The following HECW2 variants were observed in gnomAD, a reference collection of about 807,000 sequenced individuals.
HECW2 encodes E3 ubiquitin-protein ligase HECW2.
In HECW2, 61 loss-of-function variants were observed where a neutral mutation model predicts 175.2. The ratio of observed to expected loss-of-function variants is 0.35; its 90% CI spans 0.28 to 0.43. HECW2 has a LOEUF of 0.43. HECW2 is among the 20% of genes least tolerant of loss of function. The probability of loss-of-function intolerance (pLI) is 1.00; values close to 1 mark genes in which losing one functional copy is unlikely to be tolerated. For missense variants in HECW2, 1,524 were observed against 2,000.5 expected (o/e 0.76, Z 4.54); for synonymous variants, 671 against 731.0 (o/e 0.92, Z 1.32).
At chr2:196,366,112 C>T (rs944742137) in intron 2 of HECW2, among the ~76,000 whole-genome samples, 4 of 152,132 alleles carry the variant, frequency 2.6e-5, no homozygotes, top group African/African-American at 9.7e-5. Flanking sequence ...GTGTTCTTAG[C>T]CCCTAGATGA....
intron 1 of HECW2, among the ~76,000 whole-genome samples, chr2:196,522,520 T>C (rs1279048414): frequency 6.6e-6 from 1 of 151,772 alleles, no homozygotes; most frequent in East Asian, 1.9e-4. Flanking sequence ...TTGTTGCCAT[T>C]GCTTTTGGTG....
intron 11 of HECW2, 37 bp downstream of exon 11, chr2:196,307,898 C>A: frequency 6.9e-7 from 1 of 1,442,278 alleles, no homozygotes. Flanking sequence ...AGCCCAACCA[C>A]AAAATACAAC....
intron 1 of HECW2, among the ~76,000 whole-genome samples, chr2:196,585,553 G>T (rs1312136195): frequency 6.6e-6 from 1 of 152,188 alleles, no homozygotes; most frequent in Admixed American, 6.6e-5. Flanking sequence ...TTCCCTAGGG[G>T]CTCCTTTCCC....
At chr2:196,412,035 GAATA>G (rs967660650) in intron 2 of HECW2, among the ~76,000 whole-genome samples, 3 of 151,998 alleles carry the variant, frequency 2.0e-5, no homozygotes. Flanking sequence ...ATAAATAAAT[GAATA>G]AAAATTACAC....
intron 10 of HECW2, among the ~76,000 whole-genome samples, chr2:196,311,505 A>G (rs1405197507): frequency 6.6e-6 from 1 of 152,198 alleles, no homozygotes; most frequent in Admixed American, 6.5e-5. Context: ...ACAAGAAACT[A>G]AACCTCAGCG....
chr2:196,307,311 T>G lies in HECW2; in HGVS notation c.2586-78A>C, dbSNP rs570969080. Reference sequence around the variant, plus strand: ...CAACTGCTCCCCAAGAGTCTAGAACTTTTCACTATCTTCTCAGCTTCAACT... The same window carrying G: ...CAACTGCTCCCCAAGAGTCTAGAACGTTTCACTATCTTCTCAGCTTCAACT... On this transcript the variant is annotated intron_variant, in intron 11 of 28. Transcript: ENST00000644978. 540 of 929,884 alleles carry G rather than the reference T, an allele frequency of 5.8e-4. 1 individual carries two copies. Among genetic ancestry groups the G allele is most frequent in the Non-Finnish European group, 7.7e-5 (45 of 585,050 alleles). 57.6% of individuals were successfully genotyped at this position (929,884 alleles called of 1,614,324 possible).
intron 28 of HECW2, among the ~76,000 whole-genome samples, chr2:196,209,852 C>T (rs1236278441): frequency 6.6e-6 from 1 of 151,932 alleles, no homozygotes; most frequent in Non-Finnish European, 1.5e-5. Flanking sequence ...CAAGCTCCGC[C>T]TCCCGGGCTC....
At chr2:196,432,855 CT>C (rs1445910294) in intron 2 of HECW2, among the ~76,000 whole-genome samples, 1 of 152,152 alleles carries the variant, frequency 6.6e-6, no homozygotes, top group Admixed American at 6.5e-5. Context: ...GGTGCAATTA[CT>C]TTTGCATCGA....
At chr2:196,238,132 G>C (rs1224475406) in intron 21 of HECW2, among the ~76,000 whole-genome samples, 1 of 152,198 alleles carries the variant, frequency 6.6e-6, no homozygotes, top group Non-Finnish European at 1.5e-5. Flanking sequence ...AGGAGGCTGA[G>C]GCAGGAGAAT....
chr2:196,507,726 A>C (rs1451875781), intron 1 of HECW2, among the ~76,000 whole-genome samples: 1 of 152,216 alleles, frequency 6.6e-6, no homozygotes, highest in East Asian at 1.9e-4. Context: ...TGAATTCCAA[A>C]TAACCAACTC....
intron 2 of HECW2, among the ~76,000 whole-genome samples, chr2:196,416,277 A>G (rs1695254646): frequency 6.6e-6 from 1 of 152,202 alleles, no homozygotes; most frequent in Non-Finnish European, 1.5e-5. Context: ...TTATATAAGC[A>G]AGCACTCAGC....
chr2:196,222,443 C>T, intron 23 of HECW2, 103 bp from the exon 24 acceptor site: 1 of 1,019,732 alleles, frequency 9.8e-7, no homozygotes, highest in Non-Finnish European at 1.4e-6. Context: ...GAATAAGAGC[C>T]ACTACATAGG....
intron 13 of HECW2, among the ~76,000 whole-genome samples, chr2:196,294,090 A>T (rs1300170252): frequency 6.6e-6 from 1 of 152,158 alleles, no homozygotes; most frequent in African/African-American, 2.4e-5. Flanking sequence ...ATGCAAGTTT[A>T]AAAAAACTCC....
chr2:196,274,334 A>G (rs1408439546), intron 15 of HECW2, among the ~76,000 whole-genome samples: 1 of 152,148 alleles, frequency 6.6e-6, no homozygotes, highest in African/African-American at 2.4e-5. Flanking sequence ...AGGCATCCAC[A>G]TTCTTGAGAG....
intron 1 of HECW2, among the ~76,000 whole-genome samples, chr2:196,472,481 CAAAAAAAAAA>C (rs538116476): frequency 1.4e-5 from 1 of 71,380 alleles, no homozygotes; most frequent in Non-Finnish European, 2.8e-5. Flanking sequence ...GAGACTCCGT[CAAAAAAAAAA>C]AAAAAAAAAA....
At chr2:196,422,194 C>A (rs1252397463) in intron 2 of HECW2, among the ~76,000 whole-genome samples, 1 of 152,074 alleles carries the variant, frequency 6.6e-6, no homozygotes. Flanking sequence ...ACAAGGATGC[C>A]TTAAGCTTTG....
intron 21 of HECW2, among the ~76,000 whole-genome samples, chr2:196,236,810 A>G (rs1688268679): frequency 6.6e-6 from 1 of 152,204 alleles, no homozygotes; most frequent in African/African-American, 2.4e-5. Flanking sequence ...GGTACATATT[A>G]TCAACATGAC....
At chr2:196,243,520 G>A (rs1231120576) in intron 19 of HECW2, among the ~76,000 whole-genome samples, 1 of 152,026 alleles carries the variant, frequency 6.6e-6, no homozygotes, top group Non-Finnish European at 1.5e-5. Flanking sequence ...GATTATATAA[G>A]CATATTTTAT....
Position 196,319,108 on chromosome 2 carries a change from G to A in HECW2, c.1782C>T (p.Ala594=), listed in dbSNP as rs139112095. The change falls in exon 9 of 29, where the codon GCC becomes GCT. Residue 594 remains alanine, a synonymous_variant. Transcript: ENST00000644978. ...TSDASGGSRR[A]VSETESLDQG... is the part of the protein sequence containing the mutation. ...GATCGAGAGACTCGGTCTCACTGAC[G>A]GCTCTTCGGCTTCCTCCTGATGCAT... 8.8e-6 allele frequency: 14 copies of A among 1,594,698 alleles called. No individual in the cohort carries two copies. The African/African-American group carries it at 1.3e-4, about 15-fold the overall frequency.
Sources: gnomAD v4.1 joint callset for allele counts (sites outside exome capture counted in the v4.1 genomes callset) on GRCh38, gnomAD v4.1.1 for gene constraint, MANE v1.5 for transcripts, NCBI Gene and HGNC (gene_info 2026-07-23, HGNC 2026-07-21) for gene names.